The following ASIC2 variants were observed in gnomAD, a reference collection of about 807,000 sequenced individuals.
ASIC2 encodes acid-sensing ion channel 2.
In ASIC2, 25 loss-of-function variants were observed where a neutral mutation model predicts 57.3. That is an observed-to-expected ratio of 0.44 (90% CI 0.32 to 0.61). The LOEUF is 0.61. ASIC2 is among the 20% of genes least tolerant of loss of function. ASIC2 has a pLI of 0.06. For missense variants in ASIC2, 641 were observed against 738.1 expected, an observed-to-expected ratio of 0.87 and a Z score of 1.52; for synonymous variants, 319 against 307.5, an observed-to-expected ratio of 1.04 and a Z score of -0.39.
chr17:33,318,107 A>G (rs1045200359), intron 1 of ASIC2, among the ~76,000 whole-genome samples: 6 of 152,180 alleles, frequency 3.9e-5, no homozygotes, highest in Admixed American at 2.0e-4. Flanking sequence ...AGCAGCTGGC[A>G]GCCTCCAGCG....
At chr17:33,906,428 C>A (rs1915350897) in intron 1 of ASIC2, among the ~76,000 whole-genome samples, 1 of 152,204 alleles carries the variant, frequency 6.6e-6, no homozygotes, top group South Asian at 2.1e-4. Flanking sequence ...ATCTTCAATG[C>A]TGAGTAAGTA....
intron 1 of ASIC2, among the ~76,000 whole-genome samples, chr17:34,000,597 A>C (rs1378030637): frequency 1.3e-5 from 2 of 152,140 alleles, no homozygotes; most frequent in Non-Finnish European, 2.9e-5. Flanking sequence ...TTTGGGCTTC[A>C]TAGGTATGAG....
chr17:33,909,021 C>G (rs1463203302), intron 1 of ASIC2, among the ~76,000 whole-genome samples: 1 of 152,194 alleles, frequency 6.6e-6, no homozygotes, highest in Non-Finnish European at 1.5e-5. Context: ...AAGAGCACAG[C>G]CATCAGCTGT....
At chr17:34,040,589 A>C (rs1908094632) in intron 1 of ASIC2, among the ~76,000 whole-genome samples, 1 of 152,184 alleles carries the variant, frequency 6.6e-6, no homozygotes, top group African/African-American at 2.4e-5. Flanking sequence ...GGTGACTTGC[A>C]CAAGCTAACA....
At chr17:34,035,298 G>A (rs1317263837) in intron 1 of ASIC2, among the ~76,000 whole-genome samples, 3 of 144,846 alleles carry the variant, frequency 2.1e-5, no homozygotes, top group African/African-American at 8.2e-5. Flanking sequence ...GGGAAAACTG[G>A]CTAGCCATAT....
At chr17:33,911,376 C>T (rs1889244380) in intron 1 of ASIC2, among the ~76,000 whole-genome samples, 1 of 152,164 alleles carries the variant, frequency 6.6e-6, no homozygotes, top group African/African-American at 2.4e-5. Flanking sequence ...TAGCTCAGTC[C>T]CATCAAGTCT....
chr17:34,063,401 C>G (rs2142062209), intron 1 of ASIC2, among the ~76,000 whole-genome samples: 1 of 152,250 alleles, frequency 6.6e-6, no homozygotes, highest in South Asian at 2.1e-4. Context: ...GACAAACCCA[C>G]AGTCAACATA....
chr17:33,136,879 G>A (rs527375503), intron 1 of ASIC2, among the ~76,000 whole-genome samples: 1 of 152,326 alleles, frequency 6.6e-6, no homozygotes, highest in East Asian at 1.9e-4. Context: ...AAAAAGGGAT[G>A]TGGAGTTAGG....
At chr17:33,215,357 A>G (rs1180553473) in intron 1 of ASIC2, among the ~76,000 whole-genome samples, 1 of 152,248 alleles carries the variant, frequency 6.6e-6, no homozygotes, top group Non-Finnish European at 1.5e-5. Context: ...GAAATTATGT[A>G]TCCTAGCACT....
intron 1 of ASIC2, among the ~76,000 whole-genome samples, chr17:33,288,760 A>ACACACACACAC: frequency 6.8e-6 from 1 of 147,524 alleles, no homozygotes; most frequent in Non-Finnish European, 1.5e-5. Flanking sequence ...ACACACACAC[A>ACACACACACAC]ACTAATATGG....
intron 1 of ASIC2, among the ~76,000 whole-genome samples, chr17:33,966,629 C>T (rs1905083164): frequency 6.6e-6 from 1 of 152,096 alleles, no homozygotes; most frequent in Non-Finnish European, 1.5e-5. Context: ...CTCACTTTAC[C>T]CTTTCATCAA....
intron 1 of ASIC2, among the ~76,000 whole-genome samples, chr17:34,014,507 A>G (rs2031391956): frequency 6.6e-6 from 1 of 152,182 alleles, no homozygotes; most frequent in Non-Finnish European, 1.5e-5. Context: ...AGGGTGCCCT[A>G]AATATGAACT....
intron 1 of ASIC2, among the ~76,000 whole-genome samples, chr17:33,928,602 C>T (rs537364833): frequency 6.6e-6 from 1 of 152,292 alleles, no homozygotes; most frequent in Admixed American, 6.5e-5. Flanking sequence ...GCCTGTCAGA[C>T]CCCTCTCTTG....
intron 1 of ASIC2, among the ~76,000 whole-genome samples, chr17:33,616,630 T>C (rs1905612933): frequency 1.3e-5 from 2 of 151,954 alleles, no homozygotes; most frequent in Admixed American, 6.5e-5. Context: ...TGCTGGATAT[T>C]GCCTGTTAAT....
chr17:33,385,487 T>C (rs1473744427), intron 1 of ASIC2, among the ~76,000 whole-genome samples: 1 of 152,228 alleles, frequency 6.6e-6, no homozygotes, highest in Non-Finnish European at 1.5e-5. Context: ...ATTTCAGGGG[T>C]AAGCTGTTCT....
At chr17:33,420,660 C>A (rs1193014372) in intron 1 of ASIC2, among the ~76,000 whole-genome samples, 2 of 152,156 alleles carry the variant, frequency 1.3e-5, no homozygotes, top group Non-Finnish European at 2.9e-5. Flanking sequence ...AGGGAGGGTG[C>A]TAGTAAGCCA....
chr17:33,559,245 T>G (rs1916000023), intron 1 of ASIC2, among the ~76,000 whole-genome samples: 1 of 152,222 alleles, frequency 6.6e-6, no homozygotes, highest in South Asian at 2.1e-4. Context: ...GCCTTCTCCC[T>G]GTGTCTGTGC....
At chr17:33,285,760 G>A (rs979423151) in intron 1 of ASIC2, among the ~76,000 whole-genome samples, 1 of 152,214 alleles carries the variant, frequency 6.6e-6, no homozygotes, top group Non-Finnish European at 1.5e-5. Flanking sequence ...GTGGATTACA[G>A]ATGCTCCCAG....
At chr17:33,024,140 G>A (rs2091850031) in intron 5 of ASIC2, 126 bp from the exon 6 acceptor site, 1 of 1,285,958 alleles carries the variant, frequency 7.8e-7, no homozygotes, top group African/African-American at 1.5e-5. Context: ...GGAAAGTGAG[G>A]GGCAGGGATT....
Sources: gnomAD v4.1 joint callset for allele counts (sites outside exome capture counted in the v4.1 genomes callset) on GRCh38, gnomAD v4.1.1 for gene constraint, MANE v1.5 for transcripts, NCBI Gene and HGNC (gene_info 2026-07-23, HGNC 2026-07-21) for gene names.